The following PRKD1 variants were observed in gnomAD, a reference collection of about 807,000 sequenced individuals.
PRKD1 encodes the protein serine/threonine-protein kinase D1.
In PRKD1, 63 loss-of-function variants were observed where a neutral mutation model predicts 95.9. The ratio of observed to expected loss-of-function variants is 0.66; its 90% CI spans 0.54 to 0.81. The LOEUF is 0.81. Ranked by LOEUF, PRKD1 falls within the 30% of genes least tolerant of loss-of-function variation. The pLI, the probability that PRKD1 is intolerant of heterozygous loss-of-function variation, is 0.00. For synonymous variants in PRKD1, 425 were observed against 423.1 expected, an observed-to-expected ratio of 1.00 and a Z score of -0.05; for missense variants, 1,048 against 1,165.3, an observed-to-expected ratio of 0.90 and a Z score of 1.47.
intron 1 of PRKD1, among the ~76,000 whole-genome samples, chr14:29,811,548 A>T (rs1475851691): frequency 6.6e-6 from 1 of 152,188 alleles, no homozygotes; most frequent in Non-Finnish European, 1.5e-5. Flanking sequence ...GCACTCCTAG[A>T]AGGGGCGGCC....
chr14:29,598,221 A>G (rs1329762501), intron 15 of PRKD1, among the ~76,000 whole-genome samples: 1 of 151,874 alleles, frequency 6.6e-6, no homozygotes, highest in African/African-American at 2.4e-5. Flanking sequence ...GGTTGCAGTG[A>G]GCTGAGACTG....
At chr14:29,740,859 C>T (rs1886951364) in intron 1 of PRKD1, among the ~76,000 whole-genome samples, 1 of 152,138 alleles carries the variant, frequency 6.6e-6, no homozygotes, top group African/African-American at 2.4e-5. Flanking sequence ...AACCTAAATG[C>T]CCATCTATGA....
At chr14:29,835,808 A>G (rs1891590789) in intron 1 of PRKD1, among the ~76,000 whole-genome samples, 1 of 152,090 alleles carries the variant, frequency 6.6e-6, no homozygotes, top group African/African-American at 2.4e-5. Flanking sequence ...TGACCTCATG[A>G]TCCTCCCGCC....
intron 1 of PRKD1, among the ~76,000 whole-genome samples, chr14:29,811,145 T>C (rs1436094050): frequency 1.3e-5 from 2 of 152,172 alleles, no homozygotes; most frequent in African/African-American, 4.8e-5. Context: ...AAAAGTGCCA[T>C]TAAAGGTACT....
At chr14:29,836,468 G>T in intron 1 of PRKD1, among the ~76,000 whole-genome samples, 1 of 152,190 alleles carries the variant, frequency 6.6e-6, no homozygotes, top group African/African-American at 2.4e-5. Context: ...TGCTCCTGAA[G>T]AATGATGGCA....
At chr14:29,584,193 A>G (rs1468347623) in intron 16 of PRKD1, among the ~76,000 whole-genome samples, 1 of 152,208 alleles carries the variant, frequency 6.6e-6, no homozygotes, top group Non-Finnish European at 1.5e-5. Flanking sequence ...CAATAACAAC[A>G]AAATACAGAA....
chr14:29,605,885 T>C (rs552832838), intron 13 of PRKD1, among the ~76,000 whole-genome samples: 1 of 152,348 alleles, frequency 6.6e-6, no homozygotes, highest in East Asian at 1.9e-4. Context: ...TCAAGTACGA[T>C]ATATAGTGAT....
intron 1 of PRKD1, among the ~76,000 whole-genome samples, chr14:29,870,054 T>C (rs998547522): frequency 1.3e-5 from 2 of 152,294 alleles, no homozygotes; most frequent in African/African-American, 4.8e-5. Flanking sequence ...CTTATTATTA[T>C]TACCGAGGTG....
chr14:29,860,509 A>G (rs953595402), intron 1 of PRKD1, among the ~76,000 whole-genome samples: 3 of 152,200 alleles, frequency 2.0e-5, no homozygotes, highest in African/African-American at 7.2e-5. Context: ...CTACATTGAG[A>G]TATCACGTTA....
chr14:29,896,883 T>G (rs1201303079), intron 1 of PRKD1, among the ~76,000 whole-genome samples: 1 of 152,082 alleles, frequency 6.6e-6, no homozygotes, highest in South Asian at 2.1e-4. Context: ...GGACACAAAG[T>G]ATGAGTGACA....
At chr14:29,775,536 C>T (rs1456738304) in intron 1 of PRKD1, among the ~76,000 whole-genome samples, 1 of 152,164 alleles carries the variant, frequency 6.6e-6, no homozygotes, top group Non-Finnish European at 1.5e-5. Flanking sequence ...ACCCACGGAC[C>T]CTCGCTCATT....
At chr14:29,923,173 T>A (rs1157315828) in intron 1 of PRKD1, among the ~76,000 whole-genome samples, 1 of 146,910 alleles carries the variant, frequency 6.8e-6, no homozygotes, top group Non-Finnish European at 1.5e-5. Context: ...AAGACTGCAG[T>A]GAGCTGTAAT....
intron 1 of PRKD1, among the ~76,000 whole-genome samples, chr14:29,903,965 G>A (rs1471353798): frequency 1.3e-5 from 2 of 151,718 alleles, no homozygotes; most frequent in Non-Finnish European, 2.9e-5. Context: ...ATATATTTAC[G>A]GATGTATTTT....
Position 29,927,387 on chromosome 14 carries a change from G to C in PRKD1, c.126C>G (p.Val42=). The part of the protein sequence containing the change: ...GPGPAPFLAP[V]AAPVGGISFH... ...ACGAGATGCCCCCGACCGGGGCCGC[G>C]ACAGGAGCCAAGAACGGCGCGGGCC... Residue 42 remains valine (V), a synonymous_variant, in exon 1 of 18, where the codon GTC becomes GTG. Transcript: ENST00000331968. 1.3e-6 allele frequency: 2 copies of C among 1,551,660 alleles called. No homozygotes were observed. Among genetic ancestry groups the C allele is most frequent in the Non-Finnish European group, 1.7e-6 (2 of 1,152,084 alleles).
At position 29,798,217 on chromosome 14, in the gene PRKD1, T is replaced by C. The variant is rs550096813; in HGVS notation, c.265-72543A>G. On this transcript the variant is annotated intron_variant, in intron 1 of 17. Coordinates refer to ENST00000331968, the MANE Select transcript of PRKD1 (RefSeq NM_002742.3). ...GAAAATTTGCCCCTATATTTTTTTC[T>C]TTGAGAATTGCACTTTTCTGACAGC... Among the ~76,000 whole-genome samples, 3 of 152,342 alleles carry C rather than the reference T, an allele frequency of 2.0e-5. No homozygotes were observed. In the South Asian group the frequency reaches 6.2e-4, roughly 32 times the overall value.
chr14:29,698,818 C>T (rs1444095299), intron 2 of PRKD1, among the ~76,000 whole-genome samples: 2 of 151,990 alleles, frequency 1.3e-5, no homozygotes, highest in Non-Finnish European at 1.5e-5. Flanking sequence ...AAAATTACAT[C>T]ACAATGTTCA....
intron 16 of PRKD1, among the ~76,000 whole-genome samples, chr14:29,586,065 G>A (rs1472026495): frequency 6.6e-6 from 1 of 152,192 alleles, no homozygotes; most frequent in Admixed American, 6.5e-5. Context: ...TGGCTGCTAG[G>A]CAATCCAATA....
At chr14:29,809,129 G>C (rs1049136030) in intron 1 of PRKD1, among the ~76,000 whole-genome samples, 1 of 152,210 alleles carries the variant, frequency 6.6e-6, no homozygotes, top group African/African-American at 2.4e-5. Flanking sequence ...ACAATATTTT[G>C]AAAGGAATCT....
At chr14:29,636,250 G>A (rs1212397523) in intron 7 of PRKD1, 40 bp downstream of exon 7, 1 of 1,608,342 alleles carries the variant, frequency 6.2e-7, no homozygotes, top group Non-Finnish European at 8.5e-7. Flanking sequence ...ATACTGCCTG[G>A]GGTTCCCCTG....
Sources: allele counts gnomAD v4.1 joint callset (sites outside exome capture counted in the v4.1 genomes callset), GRCh38; gene constraint gnomAD v4.1.1; transcripts MANE v1.5; gene names NCBI Gene and HGNC (gene_info 2026-07-23, HGNC 2026-07-21).